CMKLR1: variants seen among roughly 807,000 people sequenced by gnomAD.
The protein encoded by CMKLR1 is chemerin-like receptor 1.
A neutral mutation model predicts 8.2 loss-of-function variants in CMKLR1; 6 were observed. The ratio of observed to expected loss-of-function variants is 0.73; its 90% CI spans 0.40 to 1.44. The LOEUF is 1.44. CMKLR1 is among the 40% of genes most tolerant of loss of function. The pLI, the probability that CMKLR1 is intolerant of heterozygous loss-of-function variation, is 0.02. For synonymous variants in CMKLR1, 178 were observed against 181.2 expected (o/e 0.98, Z 0.14); for missense variants, 429 against 478.0 (o/e 0.90, Z 0.96).
chr12:108,306,566 C>T (rs1170905615), intron 2 of CMKLR1, among the ~76,000 whole-genome samples: 1 of 152,212 alleles, frequency 6.6e-6, no homozygotes, highest in Non-Finnish European at 1.5e-5. Flanking sequence ...CTACCAGGGG[C>T]TCCTAACTGG....
At chr12:108,331,724 T>C (rs1330630201) in intron 1 of CMKLR1, among the ~76,000 whole-genome samples, 1 of 152,166 alleles carries the variant, frequency 6.6e-6, no homozygotes, top group East Asian at 1.9e-4. Context: ...AGTGATTTGA[T>C]GTGACGAGGA....
intron 2 of CMKLR1, among the ~76,000 whole-genome samples, chr12:108,327,921 C>A (rs530936501): frequency 6.5e-4 from 99 of 152,158 alleles, no homozygotes; most frequent in Non-Finnish European, 1.0e-3. Context: ...TGGAGGATGT[C>A]CGGGGTCCCA....
chr12:108,303,725 G>T (rs564433431), intron 2 of CMKLR1, among the ~76,000 whole-genome samples: 1 of 152,218 alleles, frequency 6.6e-6, no homozygotes, highest in South Asian at 2.1e-4. Context: ...CAAGATTCAG[G>T]GTGTGCATTT....
chr12:108,310,820 C>T (rs1357654662), intron 2 of CMKLR1, among the ~76,000 whole-genome samples: 1 of 152,066 alleles, frequency 6.6e-6, no homozygotes, highest in Non-Finnish European at 1.5e-5. Flanking sequence ...CCTCATGGAC[C>T]CAGGGCCTTT....
chr12:108,326,293 C>T (rs1317568032), intron 2 of CMKLR1, among the ~76,000 whole-genome samples: 1 of 152,160 alleles, frequency 6.6e-6, no homozygotes, highest in Admixed American at 6.5e-5. Context: ...CAAAAGCCTC[C>T]CCTTCCCTGT....
chr12:108,306,560 C>G (rs1891413691), intron 2 of CMKLR1, among the ~76,000 whole-genome samples: 1 of 152,206 alleles, frequency 6.6e-6, no homozygotes, highest in Non-Finnish European at 1.5e-5. Flanking sequence ...ATGTGGCTAC[C>G]AGGGGCTCCT....
In CMKLR1 at chr12:108,292,736, ACC is replaced by A; in HGVS notation, c.225_226del (p.Met75IlefsTer61). On this transcript the variant is annotated frameshift_variant, in exon 4 of 4. Coordinates refer to ENST00000550402, the MANE Select transcript of CMKLR1 (RefSeq NM_001142343.2). LOFTEE classifies it low-confidence loss of function (END_TRUNC). ...TGCCACTGCCAGGTTGAGGAACCAG[ACC>A]ATGTTCACTGTCTTCTTCATCTTGA... 1 of 1,614,154 alleles carries A rather than the reference ACC, an allele frequency of 6.2e-7. No individual in the cohort carries two copies. Among genetic ancestry groups the A allele is most frequent in the Non-Finnish European group, 8.5e-7 (1 of 1,180,020 alleles).
chr12:108,301,793 A>G (rs1405245175), intron 2 of CMKLR1, among the ~76,000 whole-genome samples: 1 of 152,120 alleles, frequency 6.6e-6, no homozygotes, highest in Non-Finnish European at 1.5e-5. Flanking sequence ...TAGTGTTGCT[A>G]TTTGTGGCTC....
intron 2 of CMKLR1, among the ~76,000 whole-genome samples, chr12:108,296,893 T>C (rs745834888): frequency 5.9e-5 from 9 of 151,884 alleles, no homozygotes; most frequent in Non-Finnish European, 1.3e-4. Context: ...TCCTCTCAAG[T>C]GGGGGTAAGA....
intron 2 of CMKLR1, among the ~76,000 whole-genome samples, chr12:108,323,198 T>TCCTTTA (rs1367741946): frequency 3.3e-5 from 5 of 152,132 alleles, no homozygotes; most frequent in Admixed American, 3.3e-4. Flanking sequence ...ACTAAAACCA[T>TCCTTTA]CCTTTACCAT....
intron 2 of CMKLR1, among the ~76,000 whole-genome samples, chr12:108,311,171 C>T (rs1466503898): frequency 6.6e-6 from 1 of 152,156 alleles, no homozygotes; most frequent in Non-Finnish European, 1.5e-5. Flanking sequence ...AAGCAGAGGC[C>T]CACACACAAA....
intron 2 of CMKLR1, among the ~76,000 whole-genome samples, chr12:108,309,924 T>C (rs1035966634): frequency 1.3e-5 from 2 of 152,240 alleles, no homozygotes; most frequent in Non-Finnish European, 2.9e-5. Flanking sequence ...TTTGTGGACA[T>C]GAAAAATGTT....
Position 108,293,668 on chromosome 12 carries a change from T to C in CMKLR1, c.-73-4A>G, listed in dbSNP as rs1307635138. The C allele has an allele frequency of 2.9e-5, 36 of 1,249,280 alleles. No individual in the cohort carries two copies. The highest frequency in any genetic ancestry group is 3.7e-5 in the Non-Finnish European group (35 of 937,782). The allele number at this position is 1,249,280 out of a possible 1,614,324, so 77.4% of individuals were successfully genotyped here. A position where few individuals can be genotyped will look rare whatever the true frequency, so the allele number is the denominator to read the frequency against. ...CCCTGTACACAGCTAGAAACACCTGTAGGGAAAAAAAAAAAAAAAAAAGCA... is the reference window on the plus strand; with the variant it reads ...CCCTGTACACAGCTAGAAACACCTGCAGGGAAAAAAAAAAAAAAAAAAGCA... On this transcript the variant is annotated splice_region_variant and splice_polypyrimidine_tract_variant and intron_variant, in intron 2 of 3. Transcript: ENST00000550402.
Position 108,292,483 on chromosome 12 carries a change from G to A in CMKLR1, c.480C>T (p.Cys160=), listed in dbSNP as rs1212192795. ...HRSVRLAYMA[C]MVIWVLAFFL... Reference sequence around the variant, plus strand: ...AGAAAGCCAGGACCCAGATGACCATGCAGGCCATGTAAGCCAGGCGAACGC... The same window carrying A: ...AGAAAGCCAGGACCCAGATGACCATACAGGCCATGTAAGCCAGGCGAACGC... Residue 160 remains cysteine (C), a synonymous_variant, in exon 4 of 4, where the codon TGC becomes TGT. Coordinates refer to ENST00000550402, the MANE Select transcript of CMKLR1 (RefSeq NM_001142343.2). 1 of 1,614,194 alleles carries A rather than the reference G, an allele frequency of 6.2e-7. No individual in the cohort carries two copies. Among genetic ancestry groups the A allele is most frequent in the Non-Finnish European group, 8.5e-7 (1 of 1,180,030 alleles).
chr12:108,325,711 C>T (rs1891967232), intron 2 of CMKLR1, among the ~76,000 whole-genome samples: 1 of 152,142 alleles, frequency 6.6e-6, no homozygotes. Flanking sequence ...TGAAGCCAAG[C>T]CACCGAATTC....
In CMKLR1 at chr12:108,292,126, G is replaced by A; in HGVS notation, c.837C>T (p.Leu279=). The change falls in exon 4 of 4, where the codon CTC becomes CTT. Residue 279 remains leucine, a synonymous_variant. Coordinates refer to ENST00000550402, the MANE Select transcript of CMKLR1 (RefSeq NM_001142343.2). ...FFLCWCPYHT[L]NLLELHHTAM... ...CAGTGTGGTGGAGCTCTAGGAGGTT[G>A]AGTGTGTGGTAGGGGCACCAGCAGA... 3 of 1,614,196 alleles carry A rather than the reference G, an allele frequency of 1.9e-6. No individual in the cohort carries two copies. Among genetic ancestry groups the A allele is most frequent in the Non-Finnish European group, 2.5e-6 (3 of 1,180,030 alleles).
intron 2 of CMKLR1, among the ~76,000 whole-genome samples, chr12:108,299,320 A>G (rs1440309437): frequency 6.6e-6 from 1 of 152,122 alleles, no homozygotes; most frequent in Non-Finnish European, 1.5e-5. Context: ...TGACCAACAC[A>G]TTTGCTAGGT....
At chr12:108,330,714 C>T (rs1892084858) in intron 1 of CMKLR1, among the ~76,000 whole-genome samples, 1 of 152,352 alleles carries the variant, frequency 6.6e-6, no homozygotes, top group African/African-American at 2.4e-5. Context: ...GAGGTAGCCC[C>T]TCTTGGGGCA....
At chr12:108,296,394 T>C (rs1891135989) in intron 2 of CMKLR1, among the ~76,000 whole-genome samples, 1 of 152,224 alleles carries the variant, frequency 6.6e-6, no homozygotes, top group South Asian at 2.1e-4. Flanking sequence ...GGCATTGTTA[T>C]TATTTCTCAG....
Sources: gnomAD v4.1 joint callset for allele counts (sites outside exome capture counted in the v4.1 genomes callset) on GRCh38, gnomAD v4.1.1 for gene constraint, MANE v1.5 for transcripts, NCBI Gene and HGNC (gene_info 2026-07-23, HGNC 2026-07-21) for gene names.